The following LIPG variants were observed in gnomAD, a reference collection of about 807,000 sequenced individuals.
LIPG encodes the protein endothelial lipase.
A neutral mutation model predicts 51.8 loss-of-function variants in LIPG; 34 were observed. The observed-to-expected ratio is 0.66, with a 90% CI of 0.50 to 0.87. The LOEUF is 0.87. Among genes scored for constraint, LIPG ranks in the 40% least tolerant of loss-of-function variants. LIPG has a pLI of 0.00. For synonymous variants in LIPG, 246 were observed against 246.1 expected (o/e 1.00, Z 0.00); for missense variants, 580 against 652.7 (o/e 0.89, Z 1.21).
At chr18:49,575,665 C>T in intron 5 of LIPG, 75 bp downstream of exon 5, 2 of 1,118,286 alleles carry the variant, frequency 1.8e-6, no homozygotes, top group African/African-American at 1.5e-5. Flanking sequence ...GAGCCTTTAG[C>T]ACTGCAGGCA....
At chr18:49,574,405 A>G (rs1248941563) in intron 4 of LIPG, among the ~76,000 whole-genome samples, 2 of 152,216 alleles carry the variant, frequency 1.3e-5, no homozygotes, top group African/African-American at 2.4e-5. Context: ...GCCATAATTC[A>G]TATCTACCCA....
rs34734805 is a variant in LIPG, at chr18:49,587,568, C to CAAAA, written c.1481+741_1481+744dup. 1.7e-3 allele frequency among the ~76,000 whole-genome samples: 74 copies of CAAAA among 42,292 alleles called. 6 individuals are homozygous for CAAAA. Among genetic ancestry groups the CAAAA allele is most frequent in the South Asian group, 0.01 (7 of 688 alleles). 27.7% of individuals were successfully genotyped at this position (42,292 alleles called of 152,430 possible). Reference sequence around the variant, plus strand: ...TGGGTGACAGAGTGAGACTCCGTCTCAAAAAAAAAAAAAAAAAAAAAAAAA... The same window carrying CAAAA: ...TGGGTGACAGAGTGAGACTCCGTCTCAAAAAAAAAAAAAAAAAAAAAAAAAAAAA... On this transcript the variant is annotated intron_variant, in intron 9 of 9. Transcript: ENST00000261292.
At chr18:49,570,942 A>G (rs1039227409) in intron 4 of LIPG, among the ~76,000 whole-genome samples, 2 of 152,196 alleles carry the variant, frequency 1.3e-5, no homozygotes, top group Non-Finnish European at 2.9e-5. Flanking sequence ...TAAAAAGAAT[A>G]TTTGTGAAGT....
chr18:49,589,264 C>G (rs950020656), intron 9 of LIPG: 2 of 152,264 alleles, frequency 1.3e-5, no homozygotes, highest in African/African-American at 4.8e-5. Flanking sequence ...ACCACAAGCA[C>G]CATCATCACA....
chr18:49,563,184 A>G (rs1388045424), intron 1 of LIPG, among the ~76,000 whole-genome samples: 1 of 152,094 alleles, frequency 6.6e-6, no homozygotes, highest in African/African-American at 2.4e-5. Context: ...GAACCCCATC[A>G]TCTCATCTTC....
At chr18:49,563,868 T>C (rs953234084) in intron 1 of LIPG, among the ~76,000 whole-genome samples, 1 of 152,128 alleles carries the variant, frequency 6.6e-6, no homozygotes, top group African/African-American at 2.4e-5. Flanking sequence ...TTTGTCCATA[T>C]GTGGGTTTAT....
rs1288210962 is a variant in LIPG, at chr18:49,583,718, C to T, written c.1320C>T (p.Pro440=). Residue 440 remains proline, a synonymous_variant, in exon 8 of 10, where the codon CCC becomes CCT. Coordinates refer to ENST00000261292, the MANE Select transcript of LIPG (RefSeq NM_006033.4). ...FRSYLSQPRN[P]GRELNIRRIR... is the part of the protein sequence containing the mutation. ...GCTACCTGTCTCAACCCCGCAACCC[C>T]GGACGGGAGCTGAATATCAGGCGCA... 20 of 1,613,996 alleles carry T rather than the reference C, an allele frequency of 1.2e-5. No homozygotes were observed. The highest frequency in any genetic ancestry group is 1.5e-5 in the Non-Finnish European group (18 of 1,180,042).
chr18:49,566,338 T>C (rs1224909772), intron 2 of LIPG, among the ~76,000 whole-genome samples: 2 of 152,152 alleles, frequency 1.3e-5, no homozygotes, highest in African/African-American at 4.8e-5. Context: ...ATCAGAATCA[T>C]ATGTGTGAAT....
intron 4 of LIPG, among the ~76,000 whole-genome samples, chr18:49,571,352 T>G (rs1762682917): frequency 6.6e-6 from 1 of 152,238 alleles, no homozygotes; most frequent in African/African-American, 2.4e-5. Flanking sequence ...TCTCTATTTC[T>G]AAATCTGAAA....
At chr18:49,578,842 G>A (rs1600557703) in intron 5 of LIPG, among the ~76,000 whole-genome samples, 1 of 150,824 alleles carries the variant, frequency 6.6e-6, no homozygotes, top group Non-Finnish European at 1.5e-5. Flanking sequence ...CCAACACAGC[G>A]AAACCCCGTC....
At chr18:49,568,956 C>A (rs61059984) in intron 3 of LIPG, among the ~76,000 whole-genome samples, 4,830 of 152,138 alleles carry the variant, frequency 0.032, 255 homozygotes, top group African/African-American at 0.11. Context: ...GGGGACAATG[C>A]GTCAAGTCTG....
intron 5 of LIPG, among the ~76,000 whole-genome samples, chr18:49,577,513 G>A (rs866398187): frequency 1.3e-5 from 2 of 148,216 alleles, no homozygotes; most frequent in East Asian, 2.0e-4. Context: ...ATCCTGGCCC[G>A]TTCTCAATGA....
At chr18:49,563,543 T>C (rs2084572769) in intron 1 of LIPG, among the ~76,000 whole-genome samples, 1 of 151,546 alleles carries the variant, frequency 6.6e-6, no homozygotes, top group Non-Finnish European at 1.5e-5. Context: ...ATTTCAGTGG[T>C]GGGAAGACAG....
intron 7 of LIPG, 117 bp from the exon 8 acceptor site, chr18:49,583,439 A>C: frequency 2.4e-6 from 2 of 820,156 alleles, no homozygotes; most frequent in Non-Finnish European, 4.2e-6. Context: ...TGGGGAAAGC[A>C]CTCACACTGT....
At chr18:49,587,970 T>G (rs1406600415) in intron 9 of LIPG, among the ~76,000 whole-genome samples, 1 of 152,148 alleles carries the variant, frequency 6.6e-6, no homozygotes, top group Admixed American at 6.5e-5. Context: ...TGTATTTTTT[T>G]GCAGAGACGG....
At chr18:49,566,341 G>A (rs1247270485) in intron 2 of LIPG, among the ~76,000 whole-genome samples, 1 of 152,184 alleles carries the variant, frequency 6.6e-6, no homozygotes, top group Non-Finnish European at 1.5e-5. Context: ...AGAATCATAT[G>A]TGTGAATCTT....
intron 7 of LIPG, 57 bp downstream of exon 7, chr18:49,582,539 T>G (rs1024685287): frequency 6.2e-7 from 1 of 1,609,684 alleles, no homozygotes; most frequent in Admixed American, 1.7e-5. Context: ...GGTTTGAGAA[T>G]GAGAGAGCAC....
upstream of LIPG, chr18:49,561,625 C>A: frequency 8.3e-7 from 1 of 1,202,190 alleles, no homozygotes; most frequent in Non-Finnish European, 1.0e-6. Context: ...CCGACGGACT[C>A]CCGGCCCAGG....
At position 49,562,090 on chromosome 18, in the gene LIPG, C is replaced by A; in HGVS notation, c.-219C>A. ...GTCCTTGCCTCCCGGCGGCTCAGGA[C>A]GAGGGCAGATCTCGTTCTGGGGCAA... is the stretch of plus-strand genomic sequence containing the variant. On this transcript the variant is annotated 5_prime_UTR_variant, in exon 1 of 10. Coordinates refer to ENST00000261292, the MANE Select transcript of LIPG (RefSeq NM_006033.4). The A allele has an allele frequency of 1.4e-6, 2 of 1,445,230 alleles. No homozygotes were observed. The highest frequency in any genetic ancestry group is 1.8e-6 in the Non-Finnish European group (2 of 1,107,700). The allele number at this position is 1,445,230 out of a possible 1,614,324, so 89.5% of individuals were successfully genotyped here.
Sources: gnomAD v4.1 joint callset for allele counts (sites outside exome capture counted in the v4.1 genomes callset) on GRCh38, gnomAD v4.1.1 for gene constraint, MANE v1.5 for transcripts, NCBI Gene and HGNC (gene_info 2026-07-23, HGNC 2026-07-21) for gene names.